Variants in AFM observed in about 807,000 individuals in gnomAD.
The protein encoded by AFM is afamin.
Under a neutral mutation model 68.7 loss-of-function variants are expected in AFM, and 82 were observed. That is an observed-to-expected ratio of 1.19 (90% CI 1.00 to 1.43). The LOEUF (loss-of-function observed/expected upper bound fraction) is 1.43, where lower values mean the gene tolerates loss of function less well. Among genes scored for constraint, AFM ranks in the 40% most tolerant of loss-of-function variants. AFM has a pLI of 0.00. For synonymous variants in AFM, 250 were observed against 234.2 expected (o/e 1.07, Z -0.61); for missense variants, 772 against 701.8 (o/e 1.10, Z -1.13).
In AFM at chr4:73,499,857, T is replaced by C. The variant is rs1721377860; in HGVS notation, c.1423-147T>C. On this transcript the variant is annotated intron_variant, in intron 11 of 14. Transcript: ENST00000226355. ...GGACCCCAGCTTCTAGTTTTACTTGTATATAGGGATATGTCATGAGTGCAT... is the reference window on the plus strand; with the variant it reads ...GGACCCCAGCTTCTAGTTTTACTTGCATATAGGGATATGTCATGAGTGCAT... 4.5e-6 allele frequency: 3 copies of C among 664,488 alleles called. No homozygotes were observed. The African/African-American group carries it at 5.5e-5, about 12-fold the overall frequency. 41.2% of individuals were successfully genotyped at this position (664,488 alleles called of 1,614,324 possible).
intron 10 of AFM, 46 bp from the exon 11 acceptor site, chr4:73,499,068 G>A (rs763605909): frequency 6.3e-7 from 1 of 1,584,148 alleles, no homozygotes; most frequent in African/African-American, 1.3e-5. Flanking sequence ...AAGGGAAAAT[G>A]GGTATCTGCT....
chr4:73,484,099 C>T, intron 2 of AFM, 110 bp downstream of exon 2: 2 of 1,356,418 alleles, frequency 1.5e-6, no homozygotes, highest in Non-Finnish European at 2.0e-6. Flanking sequence ...TCCAAGAAGA[C>T]AACTTTAATT....
Position 73,483,949 on chromosome 4 carries a change from A to G in AFM, c.97A>G (p.Asn33Asp), listed in dbSNP as rs762960521. The G allele has an allele frequency of 7.8e-6, 12 of 1,529,756 alleles. No individual in the cohort carries two copies. In the African/African-American group the frequency reaches 1.7e-4, roughly 21 times the overall value. The allele number at this position is 1,529,756 out of a possible 1,614,324, so 94.8% of individuals were successfully genotyped here. Reference protein sequence around the residue: ...PTQPRDIENFNSTQKFIEDNI... With the variant: ...PTQPRDIENFDSTQKFIEDNI... ...ATATTCTTGCTTTTCAGAGAACTTC[A>G]ATAGTACTCAAAAATTTATAGAAGA... The change falls in exon 2 of 15, where the codon AAT (asparagine) becomes GAT (aspartate). Residue 33 changes from asparagine (N) to aspartate (D), a missense_variant. Coordinates refer to ENST00000226355, the MANE Select transcript of AFM (RefSeq NM_001133.2).
intron 7 of AFM, 107 bp downstream of exon 7, chr4:73,488,866 A>C (rs1304513090): frequency 9.3e-7 from 1 of 1,073,594 alleles, no homozygotes; most frequent in Non-Finnish European, 1.4e-6. Flanking sequence ...TGAAATCAGA[A>C]TGTGATTTAA....
At position 73,501,881 on chromosome 4, in the gene AFM, T is replaced by G. The variant is rs781206411; in HGVS notation, c.1741T>G (p.Cys581Gly). The G allele has an allele frequency of 6.2e-7, 1 of 1,613,574 alleles. No individual in the cohort carries two copies. The highest frequency in any genetic ancestry group is 1.7e-5 in the Admixed American group (1 of 59,952). ...TTTCGCAAATGTAGTGGATAAGTGC[T>G]GCAAAGCAGAGAGTCCTGAAGTCTG... The part of the protein sequence containing the change: ...TNFANVVDKC[C>G]KAESPEVCFN... The change falls in exon 13 of 15, where the codon TGC becomes GGC. Residue 581 changes from cysteine to glycine, a missense_variant. Cys to Gly is a radical substitution (Grantham distance 159). Coordinates refer to ENST00000226355, the MANE Select transcript of AFM (RefSeq NM_001133.2).
chr4:73,488,910 AT>A (rs1720990864), intron 7 of AFM, 151 bp downstream of exon 7: 1 of 774,736 alleles, frequency 1.3e-6, no homozygotes, highest in South Asian at 2.0e-5. Context: ...AAATATAAAC[AT>A]TTTTATAAAT....
At position 73,487,043 on chromosome 4, in the gene AFM, G is replaced by A. The variant is rs775314915; in HGVS notation, c.559G>A (p.Glu187Lys). The stretch of plus-strand genomic sequence containing the variant: ...TCTAACTGTTGCTGTTCATTTTGAG[G>A]AGGTGGCCAAATCATGTTGTGAAGA... ...TLLTVAVHFE[E>K]VAKSCCEEQN... Residue 187 changes from glutamate to lysine, a missense_variant, in exon 5 of 15, where the codon GAG (glutamate) becomes AAG (lysine). Physicochemically the swap from Glu to Lys is moderately conservative, Grantham distance 56 (BLOSUM62 1). Coordinates refer to ENST00000226355, the MANE Select transcript of AFM (RefSeq NM_001133.2). The A allele has an allele frequency of 1.1e-5, 17 of 1,613,848 alleles. No homozygotes were observed. The South Asian group carries it at 1.4e-4, about 14-fold the overall frequency.
chr4:73,495,448 G>T lies in AFM; in HGVS notation c.1191+16G>T, dbSNP rs745407028. 4.4e-6 allele frequency: 7 copies of T among 1,596,478 alleles called. No individual in the cohort carries two copies. In the East Asian group the frequency reaches 1.6e-4, roughly 36 times the overall value. On this transcript the variant is annotated intron_variant, in intron 9 of 14. Coordinates refer to ENST00000226355, the MANE Select transcript of AFM (RefSeq NM_001133.2). The stretch of plus-strand genomic sequence containing the variant: ...CCGTTACGCGGTAGGTTCCATTGTT[G>T]TAGGTTCAGAAAATCAAAAAAGAAC...
At chr4:73,488,880 T>A in intron 7 of AFM, 121 bp downstream of exon 7, 1 of 961,918 alleles carries the variant, frequency 1.0e-6, no homozygotes, top group Non-Finnish European at 1.6e-6. Flanking sequence ...GATTTAACTT[T>A]TGAATGAAAG....
chr4:73,502,182 A>C (rs888389173), intron 13 of AFM, among the ~76,000 whole-genome samples: 5 of 152,190 alleles, frequency 3.3e-5, no homozygotes, highest in African/African-American at 1.2e-4. Context: ...ATGGCAATTA[A>C]CTATCTTTAA....
At position 73,491,995 on chromosome 4, in the gene AFM, C is replaced by A; in HGVS notation, c.967C>A (p.Pro323Thr). The change falls in exon 8 of 15, where the codon CCA (proline) becomes ACA (threonine). Residue 323 changes from proline (P) to threonine (T), a missense_variant. Physicochemically the swap from Pro to Thr is conservative, Grantham distance 38. Transcript: ENST00000226355. ...CIINSNKDDR[P>T]KDLSLREGKF... ...AATTAACTCAAACAAAGATGATAGA[C>A]CAAAGGATTTATCTCTAAGAGAAGG... The A allele has an allele frequency of 6.2e-7, 1 of 1,613,752 alleles. No individual in the cohort carries two copies. The highest frequency in any genetic ancestry group is 8.5e-7 in the Non-Finnish European group (1 of 1,179,882).
At chr4:73,494,731 T>C (rs1293071184) in intron 8 of AFM, among the ~76,000 whole-genome samples, 1 of 152,206 alleles carries the variant, frequency 6.6e-6, no homozygotes, top group Non-Finnish European at 1.5e-5. Context: ...TTCCTCTCTC[T>C]TTCTTTCCAA....
chr4:73,499,861 T>C, intron 11 of AFM, 143 bp from the exon 12 acceptor site: 5 of 675,892 alleles, frequency 7.4e-6, no homozygotes, highest in Non-Finnish European at 9.9e-6. Flanking sequence ...TACTTGTATA[T>C]AGGGATATGT....
chr4:73,494,060 GGT>G (rs60080861), intron 8 of AFM, among the ~76,000 whole-genome samples: 11,241 of 147,662 alleles, frequency 0.076, 1,216 homozygotes, highest in African/African-American at 0.24. Context: ...CATGTTTTTA[GGT>G]GTGTGTGTGT....
intron 3 of AFM, among the ~76,000 whole-genome samples, 181 bp downstream of exon 3, chr4:73,484,571 C>G (rs1720838061): frequency 6.7e-6 from 1 of 149,946 alleles, no homozygotes; most frequent in Admixed American, 6.7e-5. Flanking sequence ...GAGTCTCGCT[C>G]TGTCACCCAG....
intron 5 of AFM, 67 bp downstream of exon 5, chr4:73,487,166 CTTATA>C: frequency 6.5e-7 from 1 of 1,539,216 alleles, no homozygotes; most frequent in Non-Finnish European, 8.9e-7. Flanking sequence ...CAGACCCTGA[CTTATA>C]TTATAGCAAA....
chr4:73,485,830 TAAAA>T, intron 3 of AFM, 28 bp from the exon 4 acceptor site: 2 of 1,576,908 alleles, frequency 1.3e-6, no homozygotes, highest in South Asian at 2.2e-5. Context: ...TTACCATGAC[TAAAA>T]ATTGTCCTTT....
At chr4:73,489,928 T>C (rs993689397) in intron 7 of AFM, among the ~76,000 whole-genome samples, 14 of 152,106 alleles carry the variant, frequency 9.2e-5, no homozygotes, top group East Asian at 3.9e-4. Context: ...GGCACACGTA[T>C]ACCTATGTAA....
chr4:73,484,145 C>T, intron 2 of AFM, 113 bp from the exon 3 acceptor site: 3 of 1,436,354 alleles, frequency 2.1e-6, no homozygotes, highest in South Asian at 1.5e-5. Context: ...AAATTTATAG[C>T]CATTACAATA....
Sources: allele counts gnomAD v4.1 joint callset (sites outside exome capture counted in the v4.1 genomes callset), GRCh38; gene constraint gnomAD v4.1.1; transcripts MANE v1.5; gene names NCBI Gene and HGNC (gene_info 2026-07-23, HGNC 2026-07-21).